ST6GALNAC3: variants seen among roughly 807,000 people sequenced by gnomAD.
The protein encoded by ST6GALNAC3 is alpha-N-acetylgalactosaminide alpha-2,6-sialyltransferase 3.
ST6GALNAC3 carries 25 observed loss-of-function variants against 32.7 expected under a neutral mutation model. The observed-to-expected ratio is 0.76, with a 90% CI of 0.56 to 1.07. The LOEUF is 1.07. ST6GALNAC3 is among the 50% of genes least tolerant of loss of function. The pLI, the probability that ST6GALNAC3 is intolerant of heterozygous loss-of-function variation, is 0.00. For synonymous variants in ST6GALNAC3, 129 were observed against 133.1 expected (o/e 0.97, Z 0.21); for missense variants, 355 against 382.4 (o/e 0.93, Z 0.60).
intron 1 of ST6GALNAC3, among the ~76,000 whole-genome samples, chr1:76,168,065 A>G (rs930027387): frequency 6.6e-6 from 1 of 151,660 alleles, no homozygotes; most frequent in Admixed American, 6.6e-5. Flanking sequence ...CTAGTTCTTT[A>G]GTTGTGATGT....
At chr1:76,362,981 C>T (rs1650086023) in intron 2 of ST6GALNAC3, among the ~76,000 whole-genome samples, 1 of 152,216 alleles carries the variant, frequency 6.6e-6, no homozygotes, top group Non-Finnish European at 1.5e-5. Context: ...GGACTCTGAA[C>T]ATGGGCTCCA....
At chr1:76,587,221 T>C (rs938660044) in intron 3 of ST6GALNAC3, among the ~76,000 whole-genome samples, 4 of 152,184 alleles carry the variant, frequency 2.6e-5, no homozygotes, top group African/African-American at 9.7e-5. Flanking sequence ...AGAGACGTGT[T>C]TGATAACATG....
At chr1:76,296,575 C>T (rs908154787) in intron 1 of ST6GALNAC3, among the ~76,000 whole-genome samples, 1 of 151,964 alleles carries the variant, frequency 6.6e-6, no homozygotes, top group Non-Finnish European at 1.5e-5. Flanking sequence ...TGTCCATTTC[C>T]AGACCATGCT....
At chr1:76,198,629 A>G (rs1334434017) in intron 1 of ST6GALNAC3, among the ~76,000 whole-genome samples, 1 of 152,172 alleles carries the variant, frequency 6.6e-6, no homozygotes, top group Non-Finnish European at 1.5e-5. Context: ...GAGAGGAATC[A>G]AGTCTGCCTC....
At chr1:76,538,448 G>A (rs1420226416) in intron 3 of ST6GALNAC3, among the ~76,000 whole-genome samples, 1 of 152,124 alleles carries the variant, frequency 6.6e-6, no homozygotes. Flanking sequence ...CATTCCTTTT[G>A]CAAACCAGTA....
Position 76,197,465 on chromosome 1 carries a change from A to AG in ST6GALNAC3, c.19-116334dup, listed in dbSNP as rs35444834. 7.3e-5 allele frequency among the ~76,000 whole-genome samples: 11 copies of AG among 150,512 alleles called. No homozygotes were observed. The South Asian group carries it at 2.2e-3, about 30-fold the overall frequency. On this transcript the variant is annotated intron_variant, in intron 1 of 4. Coordinates refer to ENST00000328299, the MANE Select transcript of ST6GALNAC3 (RefSeq NM_152996.4). ...AAGGGCAGGAAGATAATTGGGCTGAAGGGGGGATCTAATCCATGGGGGGCA... is the reference window on the plus strand; with the variant it reads ...AAGGGCAGGAAGATAATTGGGCTGAAGGGGGGGATCTAATCCATGGGGGGCA...
chr1:76,609,273 G>T (rs1402855144), intron 3 of ST6GALNAC3, among the ~76,000 whole-genome samples: 1 of 151,834 alleles, frequency 6.6e-6, no homozygotes, highest in Non-Finnish European at 1.5e-5. Flanking sequence ...AAAATTTCCA[G>T]GACCTTAATG....
At chr1:76,083,078 G>A (rs1646919422) in intron 1 of ST6GALNAC3, among the ~76,000 whole-genome samples, 1 of 152,136 alleles carries the variant, frequency 6.6e-6, no homozygotes, top group South Asian at 2.1e-4. Flanking sequence ...TACTACACAC[G>A]AAGTAAAAAC....
In ST6GALNAC3 at chr1:76,186,065, C is replaced by G. The variant is rs558078902; in HGVS notation, c.18+111181C>G. Among the ~76,000 whole-genome samples, 40 of 152,286 alleles carry G rather than the reference C, an allele frequency of 2.6e-4. 2 individuals carry two copies. In the East Asian group the frequency reaches 7.1e-3, roughly 27 times the overall value. On this transcript the variant is annotated intron_variant, in intron 1 of 4. Transcript: ENST00000328299. ...GGGAGGTCCTGGTACCAATCCTCCA[C>G]AGATATGGAGGGACCACTGTTCTCT...
At position 76,634,304 on chromosome 1, in the gene ST6GALNAC3, T is replaced by C. The variant is rs976990207; in HGVS notation, c.*5498T>C. ...AAAAGATCAAAACGAGGCAATTTTA[T>C]AGCTTTTTGTTACCTAATCTACAAA... On this transcript the variant is annotated 3_prime_UTR_variant, in exon 5 of 5. Coordinates refer to ENST00000328299, the MANE Select transcript of ST6GALNAC3 (RefSeq NM_152996.4). 1.1e-4 allele frequency: 37 copies of C among 344,896 alleles called. No homozygotes were observed. The highest frequency in any genetic ancestry group is 2.5e-5 in the Non-Finnish European group (6 of 244,466). The allele number at this position is 344,896 out of a possible 1,614,324, so 21.4% of individuals were successfully genotyped here. A position where few individuals can be genotyped will look rare whatever the true frequency, so the allele number is the denominator to read the frequency against.
intron 1 of ST6GALNAC3, among the ~76,000 whole-genome samples, chr1:76,076,470 C>T (rs192919532): frequency 6.6e-6 from 1 of 152,342 alleles, no homozygotes; most frequent in East Asian, 1.9e-4. Context: ...GATGCTGGCT[C>T]TGCCCACTGC....
intron 3 of ST6GALNAC3, among the ~76,000 whole-genome samples, chr1:76,618,731 C>T (rs1570463138): frequency 6.6e-6 from 1 of 152,054 alleles, no homozygotes; most frequent in Non-Finnish European, 1.5e-5. Context: ...ACCTTGGATG[C>T]GTTGTTCTCA....
At position 76,309,908 on chromosome 1, in the gene ST6GALNAC3, T is replaced by A. The variant is rs1646724427; in HGVS notation, c.19-3897T>A. The A allele has an allele frequency of 8.7e-6, 4 of 460,482 alleles. No homozygotes were observed. The Admixed American group carries it at 9.4e-5, about 11-fold the overall frequency. 28.5% of individuals were successfully genotyped at this position (460,482 alleles called of 1,614,324 possible). Reference sequence around the variant, plus strand: ...GACATGGGTTGCCAGGGAGCAGGCTTTTACAACTGCTATTTCATCCTGTTT... The same window carrying A: ...GACATGGGTTGCCAGGGAGCAGGCTATTACAACTGCTATTTCATCCTGTTT... On this transcript the variant is annotated intron_variant, in intron 1 of 4. Coordinates refer to ENST00000328299, the MANE Select transcript of ST6GALNAC3 (RefSeq NM_152996.4).
At chr1:76,415,705 C>A (rs529063805) in intron 3 of ST6GALNAC3, among the ~76,000 whole-genome samples, 3 of 151,988 alleles carry the variant, frequency 2.0e-5, no homozygotes, top group East Asian at 1.9e-4. Context: ...CCGAGGCAGA[C>A]CTGGATTCAG....
intron 3 of ST6GALNAC3, among the ~76,000 whole-genome samples, chr1:76,502,474 G>C (rs1413005353): frequency 1.3e-5 from 2 of 152,138 alleles, no homozygotes; most frequent in Admixed American, 6.5e-5. Flanking sequence ...CTTTCTGAGG[G>C]CTGTGAGGGG....
chr1:76,379,175 C>T (rs1041273292), intron 2 of ST6GALNAC3, among the ~76,000 whole-genome samples: 2 of 152,206 alleles, frequency 1.3e-5, no homozygotes, highest in African/African-American at 2.4e-5. Flanking sequence ...GGATTACAGG[C>T]GTGAGCCACC....
chr1:76,477,056 T>C (rs920367031), intron 3 of ST6GALNAC3, among the ~76,000 whole-genome samples: 3 of 152,212 alleles, frequency 2.0e-5, no homozygotes, highest in African/African-American at 4.8e-5. Context: ...TCCATAGAGA[T>C]ACCTGTGGCA....
intron 2 of ST6GALNAC3, among the ~76,000 whole-genome samples, chr1:76,392,521 A>G (rs1166925592): frequency 6.6e-6 from 1 of 152,198 alleles, no homozygotes; most frequent in Admixed American, 6.5e-5. Flanking sequence ...TGGATCTTTT[A>G]TTTTAGAAAA....
intron 3 of ST6GALNAC3, among the ~76,000 whole-genome samples, chr1:76,452,935 T>C (rs565555301): frequency 6.6e-6 from 1 of 152,182 alleles, no homozygotes; most frequent in Non-Finnish European, 1.5e-5. Context: ...GACAATTGTT[T>C]GATTACCATT....
Sources: gnomAD v4.1 joint callset for allele counts (sites outside exome capture counted in the v4.1 genomes callset) on GRCh38, gnomAD v4.1.1 for gene constraint, MANE v1.5 for transcripts, NCBI Gene and HGNC (gene_info 2026-07-23, HGNC 2026-07-21) for gene names.